P2RX5: variants seen among roughly 807,000 people sequenced by gnomAD.
The protein encoded by P2RX5 is P2X purinoceptor 5.
Under a neutral mutation model 54.1 loss-of-function variants are expected in P2RX5, and 46 were observed. The observed-to-expected ratio is 0.85, with a 90% CI of 0.67 to 1.09. P2RX5 has a LOEUF of 1.09. Among genes scored for constraint, P2RX5 ranks in the 50% least tolerant of loss-of-function variants. The pLI is 0.00. For missense variants in P2RX5, 566 were observed against 549.8 expected, an observed-to-expected ratio of 1.03 and a Z score of -0.29; for synonymous variants, 226 against 226.4, an observed-to-expected ratio of 1.00 and a Z score of 0.02.
intron 1 of P2RX5, among the ~76,000 whole-genome samples, chr17:3,693,127 CAA>C (rs34356240): frequency 2.0e-5 from 2 of 101,664 alleles, no homozygotes; most frequent in African/African-American, 8.3e-5. Context: ...AGACATTTCT[CAA>C]AAAAAAAAAA....
In P2RX5 at chr17:3,693,102, G is replaced by A. The variant is rs1176065124; in HGVS notation, c.138-1308C>T. On this transcript the variant is annotated intron_variant, in intron 1 of 11. Coordinates refer to ENST00000225328, the MANE Select transcript of P2RX5 (RefSeq NM_002561.4). ...GCCAAATAATCCAATTTAAAAATGAGCAAAGGATTTGAATAGACATTTCTC... is the reference window on the plus strand; with the variant it reads ...GCCAAATAATCCAATTTAAAAATGAACAAAGGATTTGAATAGACATTTCTC... Among the ~76,000 whole-genome samples, 38 of 104,770 alleles carry A rather than the reference G, an allele frequency of 3.6e-4. 1 individual carries two copies. Among genetic ancestry groups the A allele is most frequent in the Non-Finnish European group, 5.8e-4 (29 of 50,072 alleles). 68.7% of individuals were successfully genotyped at this position (104,770 alleles called of 152,430 possible).
chr17:3,682,783 G>C (rs1443227723), intron 9 of P2RX5: 2 of 152,498 alleles, frequency 1.3e-5, no homozygotes, highest in African/African-American at 4.8e-5. Flanking sequence ...CCAGCACTTT[G>C]GGAAGCCGAG....
the P2RX5 span, among the ~76,000 whole-genome samples, chr17:3,719,438 A>G: frequency 6.6e-6 from 1 of 152,168 alleles, no homozygotes; most frequent in African/African-American, 2.4e-5. Context: ...TAAAGAGCTC[A>G]GAGCTCACAG....
chr17:3,715,023 TA>T, the P2RX5 span: 1 of 766,484 alleles, frequency 1.3e-6, no homozygotes. Flanking sequence ...GGCTGTTGCC[TA>T]AATAGCCCCT....
Position 3,679,578 on chromosome 17 carries a change from C to T in P2RX5, c.1259+12G>A. The T allele has an allele frequency of 6.2e-7, 1 of 1,605,100 alleles. No homozygotes were observed. Among genetic ancestry groups the T allele is most frequent in the Non-Finnish European group, 8.5e-7 (1 of 1,179,510 alleles). On this transcript the variant is annotated intron_variant, in intron 11 of 11. Transcript: ENST00000225328. ...CCCAGCTGTCGGGCTCTCTGCCTAG[C>T]AGTGGCCTCACCTGTGGGGCTCCAG...
the P2RX5 span, chr17:3,723,517 C>G: frequency 3.0e-6 from 3 of 996,866 alleles, no homozygotes; most frequent in South Asian, 4.2e-5. Context: ...CACCTCGGCC[C>G]AAGCGAAGCT....
chr17:3,699,470 G>A (rs2050800840), upstream of P2RX5, among the ~76,000 whole-genome samples: 1 of 151,956 alleles, frequency 6.6e-6, no homozygotes, highest in South Asian at 2.1e-4. Flanking sequence ...AGGATCTCTT[G>A]AGCCTGGGAG....
At chr17:3,722,191 G>C in the P2RX5 span, among the ~76,000 whole-genome samples, 3 of 141,634 alleles carry the variant, frequency 2.1e-5, no homozygotes, top group Non-Finnish European at 4.6e-5. Context: ...GAAAAGAAAA[G>C]AACACCTAGG....
chr17:3,706,414 C>T, the P2RX5 span, among the ~76,000 whole-genome samples: 15,363 of 152,042 alleles, frequency 0.1, 858 homozygotes, highest in Middle Eastern at 0.17. Context: ...TTTCAACAGA[C>T]GTAATTCCAC....
chr17:3,684,043 C>T (rs943605235), intron 9 of P2RX5, among the ~76,000 whole-genome samples: 4 of 152,240 alleles, frequency 2.6e-5, no homozygotes, highest in Non-Finnish European at 5.9e-5. Context: ...CTGACCACTC[C>T]CATGGCTCTC....
chr17:3,720,219 G>T, the P2RX5 span: 2 of 682,192 alleles, frequency 2.9e-6, no homozygotes, highest in Non-Finnish European at 5.4e-6. Flanking sequence ...GCTGAAAACA[G>T]GAAGAGGGCA....
At chr17:3,689,998 C>T in intron 6 of P2RX5, 72 bp downstream of exon 6, 1 of 1,342,078 alleles carries the variant, frequency 7.5e-7, no homozygotes, top group Non-Finnish European at 1.1e-6. Context: ...AGGCAGAGAC[C>T]CACGGAGGGC....
Position 3,691,693 on chromosome 17 carries a change from T to A in P2RX5, c.239A>T (p.Asp80Val). ...GACATCCCAGATCCGCTGCCCAAGA[T>A]CCGAGGTGTTGGTGAAGGCCACGCC... is the stretch of plus-strand genomic sequence containing the variant. ...VKGVAFTNTS[D>V]LGQRIWDVAD... Residue 80 changes from aspartate (D) to valine (V), a missense_variant, in exon 2 of 12, where the codon GAT becomes GTT. Asp to Val is a radical substitution (Grantham distance 152). Transcript: ENST00000225328. 6.2e-7 allele frequency: 1 copy of A among 1,614,138 alleles called. No individual in the cohort carries two copies. The highest frequency in any genetic ancestry group is 1.1e-5 in the South Asian group (1 of 91,082).
the P2RX5 span, chr17:3,723,312 C>T: frequency 6.2e-7 from 1 of 1,613,150 alleles, no homozygotes; most frequent in African/African-American, 1.3e-5. Context: ...CCCAGGAGAT[C>T]TCTGCAGCCA....
At chr17:3,689,785 C>T (rs550648423) in intron 6 of P2RX5, among the ~76,000 whole-genome samples, 155 bp from the exon 7 acceptor site, 1 of 152,360 alleles carries the variant, frequency 6.6e-6, no homozygotes, top group East Asian at 1.9e-4. Flanking sequence ...CCAGCACCAC[C>T]CACCGTTTAT....
At chr17:3,690,345 TG>T in intron 5 of P2RX5, 81 bp downstream of exon 5, 1 of 1,215,538 alleles carries the variant, frequency 8.2e-7, no homozygotes. Flanking sequence ...GCTCCCAGAG[TG>T]GGCAGGACTC....
the P2RX5 span, among the ~76,000 whole-genome samples, chr17:3,721,447 T>C: frequency 6.6e-6 from 1 of 151,240 alleles, no homozygotes; most frequent in Non-Finnish European, 1.5e-5. Context: ...AATTTATGTA[T>C]TTATTTATTT....
intron 9 of P2RX5, among the ~76,000 whole-genome samples, chr17:3,685,257 C>T (rs899168776): frequency 7.2e-5 from 11 of 152,190 alleles, no homozygotes; most frequent in Non-Finnish European, 1.3e-4. Flanking sequence ...GACCTAAACC[C>T]ATGCACAGCT....
chr17:3,712,221 A>G, the P2RX5 span, among the ~76,000 whole-genome samples: 7 of 152,218 alleles, frequency 4.6e-5, no homozygotes, highest in Non-Finnish European at 2.9e-5. Flanking sequence ...AGCCTGTGGC[A>G]GCATTGGAAA....
Sources: allele counts gnomAD v4.1 joint callset (sites outside exome capture counted in the v4.1 genomes callset), GRCh38; gene constraint gnomAD v4.1.1; transcripts MANE v1.5; gene names NCBI Gene and HGNC (gene_info 2026-07-23, HGNC 2026-07-21).